HK2: variants seen among roughly 807,000 people sequenced by gnomAD.
HK2 encodes hexokinase-2.
In HK2, 42 loss-of-function variants were observed where a neutral mutation model predicts 92.9. That is an observed-to-expected ratio of 0.45 (90% CI 0.35 to 0.58). The LOEUF (loss-of-function observed/expected upper bound fraction) is 0.58. HK2 is among the 20% of genes least tolerant of loss of function. HK2 has a pLI of 0.00. For synonymous variants in HK2, 422 were observed against 468.0 expected (o/e 0.90, Z 1.27); for missense variants, 978 against 1,245.1 (o/e 0.79, Z 3.23).
At chr2:74,836,963 A>G (rs532093741) in intron 1 of HK2, among the ~76,000 whole-genome samples, 144 of 152,322 alleles carry the variant, frequency 9.5e-4, no homozygotes, top group African/African-American at 3.4e-3. Context: ...CAACGAGGTC[A>G]CTTGTCGTCT....
At chr2:74,866,214 G>C (rs749083367) in intron 2 of HK2, among the ~76,000 whole-genome samples, 87 of 152,146 alleles carry the variant, frequency 5.7e-4, no homozygotes, top group Non-Finnish European at 1.1e-3. Flanking sequence ...TGGAGGTGCT[G>C]AGTGCACCTG....
Position 74,836,367 on chromosome 2 carries a change from G to T in HK2, c.63+1724G>T, listed in dbSNP as rs78518988. 6.6e-5 allele frequency among the ~76,000 whole-genome samples: 10 copies of T among 152,318 alleles called. No individual in the cohort carries two copies. The East Asian group carries it at 1.9e-3, about 29-fold the overall frequency. On this transcript the variant is annotated intron_variant, in intron 1 of 17. Coordinates refer to ENST00000290573, the MANE Select transcript of HK2 (RefSeq NM_000189.5). ...GGGGTCATCTCTCTTCCCCCAGAGT[G>T]GAACGGGAATTAACCAGGGTATCTG...
chr2:74,842,974 G>A lies in HK2; in HGVS notation c.63+8331G>A, dbSNP rs62146684. 2.3e-3 allele frequency among the ~76,000 whole-genome samples: 347 copies of A among 152,346 alleles called. 1 individual carries two copies. The highest frequency in any genetic ancestry group is 4.0e-3 in the Non-Finnish European group (275 of 68,032). On this transcript the variant is annotated intron_variant, in intron 1 of 17. Transcript: ENST00000290573. ...CAGAGGCTTCAGAGGGCATTGTGGA[G>A]GCTGCTTACTTGGGATTTCATATTC... is the stretch of plus-strand genomic sequence containing the variant.
chr2:74,877,040 T>C (rs1029606097), intron 7 of HK2, 126 bp from the exon 8 acceptor site: 1 of 1,294,342 alleles, frequency 7.7e-7, no homozygotes, highest in Non-Finnish European at 1.1e-6. Context: ...ATCTTACTCC[T>C]GGGCCGTGCT....
At chr2:74,889,856 T>G (rs1282892397) in intron 17 of HK2, among the ~76,000 whole-genome samples, 2 of 152,254 alleles carry the variant, frequency 1.3e-5, no homozygotes, top group Non-Finnish European at 2.9e-5. Context: ...TGTGGCTGGC[T>G]TTTCTCACAC....
At chr2:74,840,041 G>A (rs749362666) in intron 1 of HK2, among the ~76,000 whole-genome samples, 2 of 141,550 alleles carry the variant, frequency 1.4e-5, no homozygotes, top group East Asian at 2.1e-4. Context: ...CTGCAACCTC[G>A]GCCTCCTGGG....
chr2:74,876,410 T>C (rs1003682825), intron 7 of HK2, among the ~76,000 whole-genome samples: 4 of 152,216 alleles, frequency 2.6e-5, no homozygotes, highest in Non-Finnish European at 5.9e-5. Flanking sequence ...TCACCAGGGC[T>C]TGGTTTCCTC....
intron 1 of HK2, among the ~76,000 whole-genome samples, chr2:74,837,235 C>T (rs1021128414): frequency 2.6e-5 from 4 of 152,112 alleles, no homozygotes; most frequent in Admixed American, 2.0e-4. Flanking sequence ...AGCTGGGAAT[C>T]GAAGCCATGC....
Position 74,881,749 on chromosome 2 carries a change from A to T in HK2, c.1609A>T (p.Asn537Tyr), listed in dbSNP as rs1180128370. 1 of 1,614,194 alleles carries T rather than the reference A, an allele frequency of 6.2e-7. No homozygotes were observed. The highest frequency in any genetic ancestry group is 2.2e-5 in the East Asian group (1 of 44,880). ...DFLALDLGGT[N>Y]FRVLLVRVRN... is the part of the protein sequence containing the mutation. Reference sequence around the variant, plus strand: ...CTTGGCCTTGGACCTTGGAGGAACAAATTTCCGGGTCCTGCTGGTCCGTGT... The same window carrying T: ...CTTGGCCTTGGACCTTGGAGGAACATATTTCCGGGTCCTGCTGGTCCGTGT... Residue 537 changes from asparagine to tyrosine, a missense_variant, in exon 11 of 18, where the codon AAT (asparagine) becomes TAT (tyrosine). Asn to Tyr is a moderately radical substitution (Grantham distance 143). Coordinates refer to ENST00000290573, the MANE Select transcript of HK2 (RefSeq NM_000189.5).
At chr2:74,858,366 GGT>G (rs1231327086) in intron 2 of HK2, among the ~76,000 whole-genome samples, 1 of 152,164 alleles carries the variant, frequency 6.6e-6, no homozygotes, top group African/African-American at 2.4e-5. Context: ...GACAGTGTGG[GGT>G]GAGAGGTGAG....
At chr2:74,880,922 C>T (rs1689375144) in intron 10 of HK2, among the ~76,000 whole-genome samples, 1 of 152,220 alleles carries the variant, frequency 6.6e-6, no homozygotes, top group African/African-American at 2.4e-5. Flanking sequence ...TAAATTCACA[C>T]AACTAGAAAA....
chr2:74,870,559 T>TCC (rs1558798572), intron 3 of HK2, among the ~76,000 whole-genome samples: 51 of 148,346 alleles, frequency 3.4e-4, no homozygotes, highest in African/African-American at 1.3e-3. Context: ...TCTCCCTTTT[T>TCC]TTTTTTTTTT....
At chr2:74,872,657 C>T (rs1689124624) in intron 4 of HK2, among the ~76,000 whole-genome samples, 1 of 152,066 alleles carries the variant, frequency 6.6e-6, no homozygotes, top group Non-Finnish European at 1.5e-5. Context: ...CTTATCCCCT[C>T]CACAGAAACA....
At chr2:74,884,922 T>TGG (rs1390405081) in intron 12 of HK2, among the ~76,000 whole-genome samples, 1 of 152,028 alleles carries the variant, frequency 6.6e-6, no homozygotes, top group Admixed American at 6.6e-5. Context: ...AGACATGGGG[T>TGG]GGTGGTGAAG....
intron 12 of HK2, among the ~76,000 whole-genome samples, chr2:74,884,268 A>G (rs1689469821): frequency 6.6e-6 from 1 of 152,230 alleles, no homozygotes; most frequent in Non-Finnish European, 1.5e-5. Flanking sequence ...TTAAGAGCAA[A>G]TAAAGCAGAA....
rs572233453 is a variant in HK2 at position 74,855,990 on chromosome 2, T to TG, written c.226+1541dup. Among the ~76,000 whole-genome samples the TG allele has an allele frequency of 6.6e-5, 10 of 151,776 alleles. No individual in the cohort carries two copies. The East Asian group carries it at 9.7e-4, about 15-fold the overall frequency. ...TGTGAGGCCCATGACGGGTGGTGGG[T>TG]GGGGGGTAGGTACTCACATCTAGAG... On this transcript the variant is annotated intron_variant, in intron 2 of 17. Coordinates refer to ENST00000290573, the MANE Select transcript of HK2 (RefSeq NM_000189.5).
chr2:74,839,917 G>T (rs1274949807), intron 1 of HK2, among the ~76,000 whole-genome samples: 2 of 147,760 alleles, frequency 1.4e-5, no homozygotes, highest in African/African-American at 5.0e-5. Flanking sequence ...CTCCCAAAGT[G>T]CTGGGATTAC....
At chr2:74,844,879 C>T (rs1158536858) in intron 1 of HK2, among the ~76,000 whole-genome samples, 1 of 152,078 alleles carries the variant, frequency 6.6e-6, no homozygotes, top group Non-Finnish European at 1.5e-5. Flanking sequence ...AGTTACTTGT[C>T]AACTTTTCTC....
chr2:74,857,004 C>A (rs1426756895), intron 2 of HK2, among the ~76,000 whole-genome samples: 1 of 152,196 alleles, frequency 6.6e-6, no homozygotes, highest in Non-Finnish European at 1.5e-5. Flanking sequence ...ATTCTCATTG[C>A]TTTCCTGAAG....
Sources: allele counts gnomAD v4.1 joint callset (sites outside exome capture counted in the v4.1 genomes callset), GRCh38; gene constraint gnomAD v4.1.1; transcripts MANE v1.5; gene names NCBI Gene and HGNC (gene_info 2026-07-23, HGNC 2026-07-21).